The following TEK variants were observed in gnomAD, a reference collection of about 807,000 sequenced individuals.
The protein encoded by TEK is TEK receptor tyrosine kinase, also known as angiopoietin-1 receptor.
In TEK, 43 loss-of-function variants were observed where a neutral mutation model predicts 131.8. The ratio of observed to expected loss-of-function variants is 0.33; its 90% CI spans 0.26 to 0.42. TEK has a LOEUF of 0.42. Among genes scored for constraint, TEK ranks in the 10% least tolerant of loss-of-function variants. The probability of loss-of-function intolerance (pLI) is 1.00; values close to 1 mark genes in which losing one functional copy is unlikely to be tolerated. For synonymous variants in TEK, 580 were observed against 491.6 expected (o/e 1.18, Z -2.38); for missense variants, 1,162 against 1,384.4 (o/e 0.84, Z 2.55).
chr9:27,211,272 T>G (rs942007623), intron 16 of TEK, among the ~76,000 whole-genome samples: 5 of 145,896 alleles, frequency 3.4e-5, no homozygotes, highest in Non-Finnish European at 7.5e-5. Flanking sequence ...TTTATCTTTA[T>G]TAATAAATAC....
At chr9:27,211,191 A>ATGTATATATATGAATATG (rs1554701096) in intron 16 of TEK, among the ~76,000 whole-genome samples, 1 of 143,334 alleles carries the variant, frequency 7.0e-6, no homozygotes, top group African/African-American at 2.6e-5. Flanking sequence ...ATATGAATAT[A>ATGTATATATATGAATATG]TGTATATATA....
At chr9:27,160,288 G>C (rs566247795) in intron 2 of TEK, among the ~76,000 whole-genome samples, 1 of 152,256 alleles carries the variant, frequency 6.6e-6, no homozygotes, top group South Asian at 2.1e-4. Flanking sequence ...GCCTCTCAAA[G>C]TGCTGGGATT....
chr9:27,226,249 A>G (rs1049615437), intron 21 of TEK, among the ~76,000 whole-genome samples: 7 of 152,260 alleles, frequency 4.6e-5, no homozygotes, highest in African/African-American at 1.7e-4. Flanking sequence ...CCACAGGATT[A>G]TAAATCATTC....
chr9:27,148,580 C>T (rs1587518355), intron 1 of TEK, among the ~76,000 whole-genome samples: 2 of 152,306 alleles, frequency 1.3e-5, no homozygotes, highest in South Asian at 2.1e-4. Context: ...TGGGCAAGCA[C>T]TTTTCAAGCC....
chr9:27,123,862 C>T (rs558402838), intron 1 of TEK, among the ~76,000 whole-genome samples: 132 of 152,310 alleles, frequency 8.7e-4, no homozygotes, highest in African/African-American at 3.0e-3. Context: ...CTGCAACCTC[C>T]GCCTCTCAGG....
At chr9:27,169,336 T>G in intron 3 of TEK, 141 bp from the exon 4 acceptor site, 1 of 1,126,916 alleles carries the variant, frequency 8.9e-7, no homozygotes, top group Non-Finnish European at 1.3e-6. Flanking sequence ...AGTTCAGCAT[T>G]TTCATTCTTC....
At chr9:27,136,270 C>T (rs1436062214) in intron 1 of TEK, among the ~76,000 whole-genome samples, 1 of 151,934 alleles carries the variant, frequency 6.6e-6, no homozygotes, top group African/African-American at 2.4e-5. Flanking sequence ...ATAATAGAGA[C>T]GAGGTTTCAC....
chr9:27,140,204 A>G (rs1822670743), intron 1 of TEK, among the ~76,000 whole-genome samples: 1 of 151,660 alleles, frequency 6.6e-6, no homozygotes, highest in Non-Finnish European at 1.5e-5. Flanking sequence ...TAAACAATGC[A>G]GGTGATTTCA....
chr9:27,188,231 C>T (rs1389069532), intron 9 of TEK, among the ~76,000 whole-genome samples: 1 of 152,156 alleles, frequency 6.6e-6, no homozygotes, highest in Non-Finnish European at 1.5e-5. Flanking sequence ...CACACAGGTG[C>T]CTTCTGGAGG....
At chr9:27,113,222 C>A (rs1349639911) in intron 1 of TEK, among the ~76,000 whole-genome samples, 2 of 152,164 alleles carry the variant, frequency 1.3e-5, no homozygotes, top group East Asian at 3.9e-4. Context: ...ATGAAATACC[C>A]ATTTTCCAGG....
At chr9:27,166,291 C>A (rs558058251) in intron 2 of TEK, among the ~76,000 whole-genome samples, 1 of 152,326 alleles carries the variant, frequency 6.6e-6, no homozygotes, top group South Asian at 2.1e-4. Flanking sequence ...ATTTCAATAA[C>A]TGAGCAAGGG....
Position 27,197,338 on chromosome 9 carries a change from A to C in TEK, c.1648A>C (p.Asn550His), listed in dbSNP as rs1380005385. 6.2e-7 allele frequency: 1 copy of C among 1,614,086 alleles called. No homozygotes were observed. The highest frequency in any genetic ancestry group is 1.7e-5 in the Admixed American group (1 of 60,004). The change falls in exon 12 of 23, where the codon AAT (asparagine) becomes CAT (histidine). Residue 550 changes from asparagine to histidine, a missense_variant. Around this residue, in one of 6 missense-constraint regions of TEK, gnomAD observed 477 missense variants for 471.0 expected, o/e 1.01. Coordinates refer to ENST00000380036, the MANE Select transcript of TEK (RefSeq NM_000459.5). Reference protein sequence around the residue: ...SIGLPPPRGLNLLPKSQTTLN... With the variant: ...SIGLPPPRGLHLLPKSQTTLN... ...AGGACTCCCTCCTCCAAGAGGTCTA[A>C]ATCTCCTGCCTAAAAGTCAGACCAC...
intron 1 of TEK, among the ~76,000 whole-genome samples, chr9:27,151,203 C>A (rs1418583148): frequency 6.6e-6 from 1 of 152,110 alleles, no homozygotes; most frequent in African/African-American, 2.4e-5. Flanking sequence ...AGACTTACTA[C>A]ATACACAAAA....
At chr9:27,191,272 TC>T (rs1824812153) in intron 10 of TEK, among the ~76,000 whole-genome samples, 1 of 152,024 alleles carries the variant, frequency 6.6e-6, no homozygotes, top group South Asian at 2.1e-4. Flanking sequence ...TACAGACCCC[TC>T]CCCTAACTTC....
intron 12 of TEK, chr9:27,198,454 A>G (rs1206610556): frequency 6.6e-6 from 1 of 152,208 alleles, no homozygotes; most frequent in Non-Finnish European, 1.5e-5. Flanking sequence ...AAGCTGGCTC[A>G]GTGTTTCTTT....
At chr9:27,218,659 T>C in intron 19 of TEK, 118 bp from the exon 20 acceptor site, 2 of 991,862 alleles carry the variant, frequency 2.0e-6, no homozygotes, top group South Asian at 1.3e-5. Context: ...TATCCTAGGA[T>C]GTAGACATTT....
Position 27,206,686 on chromosome 9 carries a change from C to T in TEK, c.2469C>T (p.Asp823=). ...PTIYPVLDWN[D]IKFQDVIGEG... ...TTTATCCAGTGCTTGACTGGAATGA[C>T]ATCAAATTTCAAGATGTGATTGGGG... Residue 823 remains aspartate, a synonymous_variant, in exon 15 of 23, where the codon GAC becomes GAT. Transcript: ENST00000380036. The T allele has an allele frequency of 6.2e-7, 1 of 1,614,044 alleles. No homozygotes were observed. Among genetic ancestry groups the T allele is most frequent in the Non-Finnish European group, 8.5e-7 (1 of 1,179,984 alleles).
intron 1 of TEK, among the ~76,000 whole-genome samples, chr9:27,132,175 T>C (rs1379586739): frequency 1.3e-5 from 2 of 148,910 alleles, no homozygotes; most frequent in African/African-American, 4.9e-5. Flanking sequence ...GCAACCTCCA[T>C]CTCCCAGGTT....
intron 9 of TEK, among the ~76,000 whole-genome samples, 200 bp downstream of exon 9, chr9:27,185,829 T>C (rs1044462658): frequency 6.6e-6 from 1 of 152,178 alleles, no homozygotes; most frequent in Non-Finnish European, 1.5e-5. Context: ...AGCCCCAGGT[T>C]TGATTTTGTC....
Sources: gnomAD v4.1 joint callset for allele counts (sites outside exome capture counted in the v4.1 genomes callset) on GRCh38, gnomAD v4.1.1 for gene constraint, gnomAD v4.1.1 regional missense constraint, MANE v1.5 for transcripts, NCBI Gene and HGNC (gene_info 2026-07-23, HGNC 2026-07-21) for gene names.